The following KDM5A variants were observed in gnomAD, a reference collection of about 807,000 sequenced individuals.
KDM5A encodes lysine demethylase 5A.
KDM5A carries 42 observed loss-of-function variants against 193.5 expected under a neutral mutation model. The observed-to-expected ratio is 0.22, with a 90% CI of 0.17 to 0.28. The LOEUF is 0.28. Ranked by LOEUF, KDM5A falls within the 10% of genes least tolerant of loss-of-function variation. The probability of loss-of-function intolerance (pLI) is 1.00; values close to 1 mark genes in which losing one functional copy is unlikely to be tolerated. For synonymous variants in KDM5A, 796 were observed against 718.1 expected, an observed-to-expected ratio of 1.11 and a Z score of -1.73; for missense variants, 1,692 against 2,055.1, an observed-to-expected ratio of 0.82 and a Z score of 3.42.
rs1944147124 is a variant in KDM5A at position 350,764 on chromosome 12, G to A, written c.1165C>T (p.Leu389=). 2 of 1,613,130 alleles carry A rather than the reference G, an allele frequency of 1.2e-6. No individual in the cohort carries two copies. Among genetic ancestry groups the A allele is most frequent in the African/African-American group, 2.7e-5 (2 of 74,618 alleles). Residue 389 remains leucine, a synonymous_variant, in exon 10 of 28, where the codon CTA becomes TTA. Transcript: ENST00000399788. ...NMPVHMVPTE[L]VEKEFWRLVS... is the part of the protein sequence containing the mutation. ...AGCCGCCAAAATTCCTTTTCTACTA[G>A]TTCTGTGGGAACCATCTACACAGGG...
intron 26 of KDM5A, among the ~76,000 whole-genome samples, chr12:293,421 G>C (rs1469300529): frequency 6.6e-6 from 1 of 152,136 alleles, no homozygotes; most frequent in Non-Finnish European, 1.5e-5. Context: ...TAATGTAACT[G>C]AATTGTCTAC....
intron 14 of KDM5A, 80 bp downstream of exon 14, chr12:328,751 AAGGG>A (rs1329209034): frequency 2.2e-5 from 26 of 1,194,922 alleles, no homozygotes; most frequent in Non-Finnish European, 3.2e-5. Context: ...CCTAGGGGAT[AAGGG>A]ATGAAAATTC....
chr12:293,596 T>A (rs1205137014), intron 26 of KDM5A, among the ~76,000 whole-genome samples: 1 of 151,968 alleles, frequency 6.6e-6, no homozygotes, highest in Non-Finnish European at 1.5e-5. Flanking sequence ...CTGACCAACA[T>A]GACGAAACCC....
chr12:342,073 C>CTAG (rs1430208475), intron 10 of KDM5A, among the ~76,000 whole-genome samples: 1 of 152,148 alleles, frequency 6.6e-6, no homozygotes, highest in East Asian at 1.9e-4. Context: ...CAATTATATG[C>CTAG]TATCTACAAG....
Position 293,162 on chromosome 12 carries a change from C to T in KDM5A, c.4463G>A (p.Ser1488Asn). ...DRFLHIMEDD[S>N]MEEKPLKVKG... ...CACTTTTAGTGGTTTCTCTTCCATGCTGTCATCCTTCAAAAATATAAATTT... is the reference window on the plus strand; with the variant it reads ...CACTTTTAGTGGTTTCTCTTCCATGTTGTCATCCTTCAAAAATATAAATTT... The change falls in exon 27 of 28, where the codon AGC (serine) becomes AAC (asparagine). Residue 1488 changes from serine (S) to asparagine (N), a missense_variant. Ser to Asn is a conservative substitution (Grantham distance 46, BLOSUM62 1). Transcript: ENST00000399788. The T allele has an allele frequency of 4.3e-6, 7 of 1,611,726 alleles. No homozygotes were observed. The highest frequency in any genetic ancestry group is 5.9e-6 in the Non-Finnish European group (7 of 1,178,904).
At chr12:352,530 TA>T (rs1944176766) in intron 8 of KDM5A, among the ~76,000 whole-genome samples, 1 of 152,182 alleles carries the variant, frequency 6.6e-6, no homozygotes, top group South Asian at 2.1e-4. Flanking sequence ...AGCCTTCCAA[TA>T]GGAAGGTAGT....
intron 19 of KDM5A, among the ~76,000 whole-genome samples, chr12:315,400 C>A (rs1160859263): frequency 1.3e-5 from 2 of 152,002 alleles, no homozygotes; most frequent in Non-Finnish European, 2.9e-5. Context: ...ATGGCGAAAC[C>A]CCATCTCTGC....
At chr12:289,929 T>TTA (rs1445731812) in intron 27 of KDM5A, among the ~76,000 whole-genome samples, 1 of 135,960 alleles carries the variant, frequency 7.4e-6, no homozygotes, top group African/African-American at 2.6e-5. Context: ...TTTTTTTTTT[T>TTA]TACATCATCT....
At chr12:385,232 G>A (rs1046809380) in intron 2 of KDM5A, among the ~76,000 whole-genome samples, 1 of 150,682 alleles carries the variant, frequency 6.6e-6, no homozygotes, top group Non-Finnish European at 1.5e-5. Flanking sequence ...ATGTTTTGGG[G>A]AGAAAAGAAA....
At position 292,893 on chromosome 12, in the gene KDM5A, C is replaced by T. The variant is rs1943315965; in HGVS notation, c.4732G>A (p.Glu1578Lys). ...AAAAKVELVK[E>K]STEKKREKKV... ...TTCTCTCTTTTCTTTTCAGTGCTCTCTTTCACAAGTTCAACTTTGGCTGCA... is the reference window on the plus strand; with the variant it reads ...TTCTCTCTTTTCTTTTCAGTGCTCTTTTTCACAAGTTCAACTTTGGCTGCA... The change falls in exon 27 of 28, where the codon GAG becomes AAG. Residue 1578 changes from glutamate (E) to lysine (K), a missense_variant. This residue lies in a region of KDM5A where 965 missense variants were observed against 1,061.0 expected (regional missense o/e 0.91). Coordinates refer to ENST00000399788, the MANE Select transcript of KDM5A (RefSeq NM_001042603.3). 6.2e-7 allele frequency: 1 copy of T among 1,614,190 alleles called. No homozygotes were observed. The highest frequency in any genetic ancestry group is 8.5e-7 in the Non-Finnish European group (1 of 1,180,032).
intron 13 of KDM5A, among the ~76,000 whole-genome samples, chr12:330,054 AGTGTGTGTGTGT>A (rs148451707): frequency 0.015 from 2,131 of 142,338 alleles, 58 homozygotes; most frequent in African/African-American, 0.053. Flanking sequence ...CAAAGGAAAA[AGTGTGTGTGTGT>A]GTGTGTGTGT....
intron 8 of KDM5A, among the ~76,000 whole-genome samples, chr12:353,846 C>T (rs1944193874): frequency 1.4e-5 from 2 of 147,984 alleles, no homozygotes; most frequent in South Asian, 2.2e-4. Context: ...CACTTGAACC[C>T]GGGAGGTGGA....
intron 10 of KDM5A, among the ~76,000 whole-genome samples, chr12:348,695 G>C (rs1325214445): frequency 2.0e-5 from 3 of 151,968 alleles, no homozygotes; most frequent in African/African-American, 7.3e-5. Context: ...CTCACTCATA[G>C]GTGAGAAGTG....
intron 3 of KDM5A, among the ~76,000 whole-genome samples, chr12:383,197 T>A (rs1036616072): frequency 2.1e-5 from 3 of 141,848 alleles, no homozygotes; most frequent in African/African-American, 8.0e-5. Context: ...AACATGAGTT[T>A]CTTTAATATG....
chr12:344,771 A>C (rs1420327375), intron 10 of KDM5A, among the ~76,000 whole-genome samples: 1 of 152,208 alleles, frequency 6.6e-6, no homozygotes, highest in Admixed American at 6.5e-5. Flanking sequence ...AGGAAGCACT[A>C]AACATGGAAG....
At chr12:326,951 A>G (rs1943797307) in intron 14 of KDM5A, among the ~76,000 whole-genome samples, 1 of 152,066 alleles carries the variant, frequency 6.6e-6, no homozygotes, top group African/African-American at 2.4e-5. Flanking sequence ...GAGACTTTCA[A>G]AAGTATGATG....
intron 25 of KDM5A, 44 bp from the exon 26 acceptor site, chr12:295,837 C>G (rs1250151887): frequency 6.4e-7 from 1 of 1,565,682 alleles, no homozygotes; most frequent in Non-Finnish European, 8.8e-7. Flanking sequence ...AAAATTAAAA[C>G]TATGGAAAAA....
intron 10 of KDM5A, among the ~76,000 whole-genome samples, chr12:335,650 C>T (rs956899141): frequency 3.3e-5 from 5 of 152,026 alleles, no homozygotes; most frequent in African/African-American, 1.2e-4. Flanking sequence ...GAGCCAATGA[C>T]AAAGCTAAAG....
Position 307,431 on chromosome 12 carries a change from AAG to A in KDM5A, c.3930+21_3930+22del. On this transcript the variant is annotated intron_variant, in intron 23 of 27. Transcript: ENST00000399788. The surrounding 1 kb of genome is among the most constrained non-coding windows in gnomAD (Gnocchi z 4.3). ...ACTGACATATCCCATGAAATAGAAA[AAG>A]AATGTAAATCCTAAACTTGCCTGTA... 6.2e-7 allele frequency: 1 copy of A among 1,608,658 alleles called. No homozygotes were observed. Among genetic ancestry groups the A allele is most frequent in the Non-Finnish European group, 8.5e-7 (1 of 1,176,662 alleles).
Sources: allele counts gnomAD v4.1 joint callset (sites outside exome capture counted in the v4.1 genomes callset), GRCh38; gene constraint gnomAD v4.1.1; regional missense constraint gnomAD v4.1.1; non-coding constraint Gnocchi (gnomAD v3.1); transcripts MANE v1.5; gene names NCBI Gene and HGNC (gene_info 2026-07-23, HGNC 2026-07-21).